SRGAP2: variants seen among roughly 807,000 people sequenced by gnomAD.
SRGAP2 encodes SLIT-ROBO Rho GTPase activating protein 2.
Under a neutral mutation model 57.2 loss-of-function variants are expected in SRGAP2, and 15 were observed. The observed-to-expected ratio is 0.26, with a 90% CI of 0.18 to 0.40. The LOEUF (loss-of-function observed/expected upper bound fraction) is 0.40, where lower values mean the gene tolerates loss of function less well. Ranked by LOEUF, SRGAP2 falls within the 10% of genes least tolerant of loss-of-function variation. The probability of loss-of-function intolerance (pLI) is 1.00; values close to 1 mark genes in which losing one functional copy is unlikely to be tolerated. For synonymous variants in SRGAP2, 249 were observed against 248.0 expected (o/e 1.00, Z -0.04); for missense variants, 520 against 669.6 (o/e 0.78, Z 2.47).
intron 11 of SRGAP2, among the ~76,000 whole-genome samples, chr1:206,418,888 C>CTCTCTGTGTGTGTG (rs1553363092): frequency 7.3e-6 from 1 of 136,566 alleles, no homozygotes; most frequent in African/African-American, 2.8e-5. Context: ...CCAACTCTCT[C>CTCTCTGTGTGTGTG]TGTGTGTGTG....
At chr1:206,437,136 A>G in intron 15 of SRGAP2, 94 bp downstream of exon 15, 1 of 757,832 alleles carries the variant, frequency 1.3e-6, no homozygotes, top group South Asian at 1.4e-5. Flanking sequence ...CCCAGAGGTC[A>G]GGAAGCCAAC....
intron 14 of SRGAP2, among the ~76,000 whole-genome samples, chr1:206,433,051 A>G (rs143472772): frequency 2.2e-4 from 34 of 152,372 alleles, no homozygotes; most frequent in African/African-American, 6.5e-4. Context: ...TCAAAAAATC[A>G]TAAGTCAAAC....
intron 4 of SRGAP2, among the ~76,000 whole-genome samples, chr1:206,373,029 TCTTTC>T (rs1654840619): frequency 7.6e-6 from 1 of 132,118 alleles, no homozygotes; most frequent in Non-Finnish European, 1.6e-5. Flanking sequence ...TTCTTTCTTT[TCTTTC>T]TCTCTCTCTC....
At chr1:206,450,928 A>G (rs1045246168) in intron 19 of SRGAP2, among the ~76,000 whole-genome samples, 3 of 146,772 alleles carry the variant, frequency 2.0e-5, no homozygotes, top group East Asian at 4.1e-4. Context: ...CCTAGGCAAC[A>G]CAGCCAGACC....
intron 10 of SRGAP2, among the ~76,000 whole-genome samples, chr1:206,414,053 A>T: frequency 1.4e-5 from 2 of 138,502 alleles, no homozygotes; most frequent in African/African-American, 2.8e-5. Flanking sequence ...TTTTTTTGAG[A>T]CAGAGTCTTG....
chr1:206,287,899 A>G (rs1671100667), intron 2 of SRGAP2, among the ~76,000 whole-genome samples: 1 of 110,860 alleles, frequency 9.0e-6, no homozygotes, highest in Non-Finnish European at 1.7e-5. Flanking sequence ...TTAGGAGGAA[A>G]GGGCTTGAGT....
chr1:206,437,669 A>G, intron 15 of SRGAP2: 1 of 310,402 alleles, frequency 3.2e-6, no homozygotes, highest in Non-Finnish European at 6.0e-6. Context: ...GATTCTTGTG[A>G]GATACAGTTG....
At chr1:206,262,255 T>C (rs1669600543) in intron 2 of SRGAP2, among the ~76,000 whole-genome samples, 2 of 150,002 alleles carry the variant, frequency 1.3e-5, no homozygotes, top group South Asian at 4.2e-4. Flanking sequence ...TTTATAATTA[T>C]TTAAATCTGT....
In SRGAP2 at chr1:206,385,154, T is replaced by G. The variant is rs1189176177; in HGVS notation, c.486+1078T>G. ...AAATAGGGTAGAGTAGTCATCTGACTTATCTCCAGAGATGTTCAGTTTGTT... is the reference window on the plus strand; with the variant it reads ...AAATAGGGTAGAGTAGTCATCTGACGTATCTCCAGAGATGTTCAGTTTGTT... On this transcript the variant is annotated intron_variant, in intron 5 of 22. Transcript: ENST00000573034. Among the ~76,000 whole-genome samples the G allele has an allele frequency of 6.9e-5, 6 of 86,762 alleles. 1 individual carries two copies. The highest frequency in any genetic ancestry group is 6.4e-4 in the Admixed American group (6 of 9,370). 56.9% of individuals were successfully genotyped at this position (86,762 alleles called of 152,430 possible).
intron 4 of SRGAP2, among the ~76,000 whole-genome samples, chr1:206,354,306 G>T (rs1450279547): frequency 6.6e-6 from 1 of 152,140 alleles, no homozygotes; most frequent in Admixed American, 6.5e-5. Flanking sequence ...TGATCACCTT[G>T]ATCTTGTGGG....
At chr1:206,346,717 CTGTT>C (rs1553336938) in intron 4 of SRGAP2, among the ~76,000 whole-genome samples, 2 of 152,070 alleles carry the variant, frequency 1.3e-5, no homozygotes, top group Admixed American at 6.5e-5. Context: ...GAATTTGGGT[CTGTT>C]TGTCACTAGC....
chr1:206,436,891 A>G (rs1661807812), intron 14 of SRGAP2, 74 bp from the exon 15 acceptor site: 2 of 773,286 alleles, frequency 2.6e-6, no homozygotes, highest in Admixed American at 1.7e-5. Context: ...GGAGACAGAT[A>G]TTCAACTAAG....
intron 5 of SRGAP2, among the ~76,000 whole-genome samples, chr1:206,391,615 G>GCACACACACACACA (rs201726708): frequency 8.7e-6 from 1 of 115,478 alleles, no homozygotes; most frequent in African/African-American, 3.8e-5. Context: ...ACACACACAT[G>GCACACACACACACA]CACACACACA....
intron 3 of SRGAP2, among the ~76,000 whole-genome samples, chr1:206,327,682 A>AT (rs1285301315): frequency 2.6e-5 from 3 of 114,362 alleles, no homozygotes; most frequent in Admixed American, 1.8e-4. Flanking sequence ...TTATTTATTT[A>AT]TTTTTTTAAA....
At chr1:206,295,691 T>C (rs1369805420) in intron 2 of SRGAP2, among the ~76,000 whole-genome samples, 1 of 150,890 alleles carries the variant, frequency 6.6e-6, no homozygotes, top group Admixed American at 6.6e-5. Flanking sequence ...TAATTATATA[T>C]CTTGTGCAAT....
intron 3 of SRGAP2, among the ~76,000 whole-genome samples, chr1:206,311,360 C>T (rs1478398120): frequency 6.6e-6 from 1 of 152,134 alleles, no homozygotes. Context: ...AGAGAGATTT[C>T]TTCTGATTGG....
chr1:206,450,388 A>G lies in SRGAP2; in HGVS notation c.2102A>G (p.Asp701Gly), dbSNP rs1553375396. 3.8e-6 allele frequency: 3 copies of G among 780,784 alleles called. No individual in the cohort carries two copies. Among genetic ancestry groups the G allele is most frequent in the African/African-American group, 3.4e-5 (2 of 59,168 alleles). The allele number at this position is 780,784 out of a possible 1,614,324, so 48.4% of individuals were successfully genotyped here. A position where few individuals can be genotyped will look rare whatever the true frequency, so the allele number is the denominator to read the frequency against. Residue 701 changes from aspartate (D) to glycine (G), a missense_variant and splice_region_variant, in exon 19 of 23, where the codon GAT (aspartate) becomes GGT (glycine). This residue lies in a region of SRGAP2 where 478 missense variants were observed against 373.6 expected (regional missense o/e 1.28). Coordinates refer to ENST00000573034, the MANE Select transcript of SRGAP2 (RefSeq NM_015326.5). The part of the protein sequence containing the change: ...SRGGSMEDYC[D>G]SPHGETTSVE... ...TGTCACTCTTGCTTCTGTTGCAGTGATAGCCCTCATGGAGAGACTACCTCG... is the reference window on the plus strand; with the variant it reads ...TGTCACTCTTGCTTCTGTTGCAGTGGTAGCCCTCATGGAGAGACTACCTCG...
At chr1:206,309,185 A>G (rs1672441874) in intron 3 of SRGAP2, among the ~76,000 whole-genome samples, 2 of 150,014 alleles carry the variant, frequency 1.3e-5, no homozygotes, top group Non-Finnish European at 3.0e-5. Context: ...AAAAAAAAAA[A>G]TCCCTGGTTA....
chr1:206,252,374 A>AT (rs1668895130), intron 2 of SRGAP2, among the ~76,000 whole-genome samples: 2 of 151,192 alleles, frequency 1.3e-5, no homozygotes, highest in African/African-American at 4.9e-5. Context: ...TCCACATGTA[A>AT]TTTTTTAGTT....
Sources: allele counts gnomAD v4.1 joint callset (sites outside exome capture counted in the v4.1 genomes callset), GRCh38; gene constraint gnomAD v4.1.1; regional missense constraint gnomAD v4.1.1; transcripts MANE v1.5; gene names NCBI Gene and HGNC (gene_info 2026-07-23, HGNC 2026-07-21).